SGIP1: variants seen among roughly 807,000 people sequenced by gnomAD.
The protein encoded by SGIP1 is SH3-containing GRB2-like protein 3-interacting protein 1.
A neutral mutation model predicts 107.5 loss-of-function variants in SGIP1; 38 were observed. The observed-to-expected ratio is 0.35, with a 90% CI of 0.27 to 0.46. The LOEUF (loss-of-function observed/expected upper bound fraction) is 0.46. Ranked by LOEUF, SGIP1 falls within the 20% of genes least tolerant of loss-of-function variation. SGIP1 has a pLI of 1.00. For missense variants in SGIP1, 929 were observed against 1,019.5 expected (o/e 0.91, Z 1.21); for synonymous variants, 365 against 366.1 (o/e 1.00, Z 0.03).
upstream of SGIP1, among the ~76,000 whole-genome samples, chr1:66,533,836 C>G (rs564409145): frequency 6.6e-6 from 1 of 152,276 alleles, no homozygotes; most frequent in African/African-American, 2.4e-5. Flanking sequence ...ACGCCAGAGT[C>G]CCCTGTTAAG....
intron 18 of SGIP1, among the ~76,000 whole-genome samples, chr1:66,707,186 T>A (rs891609497): frequency 1.3e-5 from 2 of 152,136 alleles, no homozygotes; most frequent in African/African-American, 2.4e-5. Flanking sequence ...TTTTCACAAC[T>A]TTTTGGGCAC....
At chr1:66,660,383 T>A (rs576442389) in intron 7 of SGIP1, 130 bp from the exon 8 acceptor site, 1 of 812,556 alleles carries the variant, frequency 1.2e-6, no homozygotes, top group Admixed American at 2.0e-5. Flanking sequence ...CAGGAAGCAT[T>A]TATAAAAGCA....
chr1:66,596,265 G>T (rs552883168), intron 1 of SGIP1, among the ~76,000 whole-genome samples: 6 of 152,146 alleles, frequency 3.9e-5, no homozygotes, highest in African/African-American at 1.4e-4. Context: ...GAAGTATAAA[G>T]AGGGCAGAAA....
At chr1:66,545,254 C>T (rs183391527) in intron 1 of SGIP1, among the ~76,000 whole-genome samples, 30 of 152,352 alleles carry the variant, frequency 2.0e-4, no homozygotes, top group Admixed American at 1.6e-3. Context: ...TCAGCCTCAT[C>T]TCTCACTGGC....
intron 1 of SGIP1, among the ~76,000 whole-genome samples, chr1:66,555,584 A>G (rs950717447): frequency 6.6e-6 from 1 of 152,144 alleles, no homozygotes; most frequent in African/African-American, 2.4e-5. Context: ...GGTTTCCCTG[A>G]CTAATGCAGC....
intron 20 of SGIP1, among the ~76,000 whole-genome samples, chr1:66,732,220 A>G (rs2094045584): frequency 6.6e-6 from 1 of 152,186 alleles, no homozygotes; most frequent in Non-Finnish European, 1.5e-5. Flanking sequence ...GCATGGTGTG[A>G]AAGTGTTATT....
At chr1:66,554,388 A>G (rs2057878461) in intron 1 of SGIP1, among the ~76,000 whole-genome samples, 1 of 152,178 alleles carries the variant, frequency 6.6e-6, no homozygotes, top group Non-Finnish European at 1.5e-5. Context: ...TGCAATTTTG[A>G]GTCTGCCTAT....
chr1:66,644,465 G>C (rs1170432332), intron 7 of SGIP1, among the ~76,000 whole-genome samples: 1 of 152,048 alleles, frequency 6.6e-6, no homozygotes, highest in African/African-American at 2.4e-5. Flanking sequence ...TTCTCTGTTT[G>C]ATAAATGCCA....
intron 1 of SGIP1, among the ~76,000 whole-genome samples, chr1:66,535,163 CT>C (rs1400751368): frequency 6.6e-6 from 1 of 152,166 alleles, no homozygotes; most frequent in African/African-American, 2.4e-5. Context: ...CTAAATTACC[CT>C]TCCCAGTCTG....
At chr1:66,594,520 C>T (rs1450545298) in intron 1 of SGIP1, among the ~76,000 whole-genome samples, 1 of 152,158 alleles carries the variant, frequency 6.6e-6, no homozygotes, top group Non-Finnish European at 1.5e-5. Context: ...CTCTATTTCC[C>T]AGGTCTGGCC....
intron 1 of SGIP1, among the ~76,000 whole-genome samples, chr1:66,595,761 T>A (rs552946428): frequency 8.5e-5 from 13 of 152,300 alleles, no homozygotes; most frequent in African/African-American, 2.9e-4. Context: ...GAAATACAGA[T>A]GTATACAACA....
chr1:66,542,202 T>C (rs1438378265), intron 1 of SGIP1, among the ~76,000 whole-genome samples: 1 of 152,102 alleles, frequency 6.6e-6, no homozygotes, highest in Non-Finnish European at 1.5e-5. Context: ...CCTATGATCA[T>C]TTTACCTTTA....
chr1:66,605,689 C>T (rs535747960), intron 1 of SGIP1, among the ~76,000 whole-genome samples: 4 of 151,560 alleles, frequency 2.6e-5, no homozygotes, highest in Non-Finnish European at 5.9e-5. Context: ...TTGTCATGAC[C>T]GTTCATCAAG....
chr1:66,741,224 C>A, intron 23 of SGIP1, 48 bp from the exon 24 acceptor site: 1 of 1,487,064 alleles, frequency 6.7e-7, no homozygotes, highest in Non-Finnish European at 9.0e-7. Flanking sequence ...AAATTATATC[C>A]GAAATATTAT....
chr1:66,689,061 A>G, intron 15 of SGIP1, 87 bp from the exon 16 acceptor site: 1 of 1,448,014 alleles, frequency 6.9e-7, no homozygotes, highest in Non-Finnish European at 9.2e-7. Flanking sequence ...AAAAAAAAAA[A>G]AAATGTCCGG....
chr1:66,707,004 A>T (rs1461840410), intron 18 of SGIP1, among the ~76,000 whole-genome samples: 1 of 152,138 alleles, frequency 6.6e-6, no homozygotes, highest in Non-Finnish European at 1.5e-5. Context: ...CCCCAAAATC[A>T]CACTATTCAG....
chr1:66,664,175 A>T (rs968655418), intron 8 of SGIP1, among the ~76,000 whole-genome samples: 2 of 152,182 alleles, frequency 1.3e-5, no homozygotes, highest in African/African-American at 4.8e-5. Context: ...AAAGTATTTG[A>T]ATTTTCCTCA....
chr1:66,719,653 C>T (rs554392907), intron 19 of SGIP1, among the ~76,000 whole-genome samples: 1 of 152,246 alleles, frequency 6.6e-6, no homozygotes, highest in South Asian at 2.1e-4. Context: ...AGAACTTACT[C>T]TAGAAATCTA....
intron 1 of SGIP1, among the ~76,000 whole-genome samples, chr1:66,564,393 G>A (rs1020426183): frequency 1.3e-5 from 2 of 151,892 alleles, no homozygotes; most frequent in Admixed American, 6.6e-5. Flanking sequence ...GAGAGTGACC[G>A]GATGAAGTTA....
Sources: allele counts gnomAD v4.1 joint callset (sites outside exome capture counted in the v4.1 genomes callset), GRCh38; gene constraint gnomAD v4.1.1; transcripts MANE v1.5; gene names NCBI Gene and HGNC (gene_info 2026-07-23, HGNC 2026-07-21).